The following PIK3R3 variants were observed in gnomAD, a reference collection of about 807,000 sequenced individuals.
PIK3R3 encodes the protein phosphatidylinositol 3-kinase regulatory subunit gamma.
PIK3R3 carries 64 observed loss-of-function variants against 62.9 expected under a neutral mutation model. That is an observed-to-expected ratio of 1.02 (90% CI 0.83 to 1.25). The LOEUF is 1.25. Among genes scored for constraint, PIK3R3 ranks in the 50% most tolerant of loss-of-function variants. The pLI, the probability that PIK3R3 is intolerant of heterozygous loss-of-function variation, is 0.00. For synonymous variants in PIK3R3, 165 were observed against 189.0 expected, an observed-to-expected ratio of 0.87 and a Z score of 1.04; for missense variants, 614 against 561.6, an observed-to-expected ratio of 1.09 and a Z score of -0.94.
the PIK3R3 span, among the ~76,000 whole-genome samples, chr1:46,155,257 G>A: frequency 4.0e-5 from 6 of 151,590 alleles, no homozygotes; most frequent in Admixed American, 3.9e-4. Flanking sequence ...GGCATTCAAG[G>A]CTACAGTGAG....
At position 46,043,837 on chromosome 1, in the gene PIK3R3, T is replaced by G. The variant is rs750665012; in HGVS notation, c.1222A>C (p.Ser408Arg). The change falls in exon 10 of 10, where the codon AGC becomes CGC. Residue 408 changes from serine (S) to arginine (R), a missense_variant. Transcript: ENST00000262741. ...GCAAAGCCATAGCCCCGAGCAGTGC[T>G]GTAGATCACACAGTGCTTCACTTCC... ...DGEVKHCVIY[S>R]TARGYGFAEP... 3 of 1,614,070 alleles carry G rather than the reference T, an allele frequency of 1.9e-6. No individual in the cohort carries two copies. Among genetic ancestry groups the G allele is most frequent in the Non-Finnish European group, 2.5e-6 (3 of 1,179,974 alleles).
chr1:46,174,874 T>G, the PIK3R3 span, among the ~76,000 whole-genome samples: 1 of 152,118 alleles, frequency 6.6e-6, no homozygotes, highest in African/African-American at 2.4e-5. Flanking sequence ...TAGTATGCCT[T>G]TCTCAGAATC....
At chr1:46,159,685 A>G in the PIK3R3 span, among the ~76,000 whole-genome samples, 1,018 of 152,048 alleles carry the variant, frequency 6.7e-3, 7 homozygotes, top group Non-Finnish European at 9.0e-3. Flanking sequence ...CACACATGCC[A>G]CATGTGTTAT....
intron 3 of PIK3R3, among the ~76,000 whole-genome samples, chr1:46,074,287 A>C (rs968257738): frequency 7.2e-5 from 2 of 27,670 alleles, no homozygotes; most frequent in African/African-American, 3.1e-4. Flanking sequence ...AGACTCCGTC[A>C]AAAAAAAAAA....
rs1451518468 is a variant in PIK3R3 at position 46,041,897 on chromosome 1, T to G, written c.*1776A>C. 1 of 215,480 alleles carries G rather than the reference T, an allele frequency of 4.6e-6. No homozygotes were observed. 13.3% of individuals were successfully genotyped at this position (215,480 alleles called of 1,614,324 possible). On this transcript the variant is annotated 3_prime_UTR_variant, in exon 10 of 10. Transcript: ENST00000262741. ...CTGGAGGTTTTTCCAAAATTAAAAA[T>G]CTGTGTCTACATCATGGTCCATATT...
chr1:46,066,302 T>A, intron 4 of PIK3R3, 123 bp from the exon 5 acceptor site: 2 of 671,724 alleles, frequency 3.0e-6, no homozygotes, highest in East Asian at 5.4e-5. Flanking sequence ...ATATTTCAAC[T>A]GTACAACTTT....
chr1:46,051,524 G>C (rs1647345977), intron 7 of PIK3R3, among the ~76,000 whole-genome samples: 1 of 152,042 alleles, frequency 6.6e-6, no homozygotes, highest in Non-Finnish European at 1.5e-5. Context: ...GCCTCCCAAA[G>C]TGCTGGGATT....
rs139312071 is a variant in PIK3R3 at position 46,119,106 on chromosome 1, T to C, written c.106+12741A>G. Among the ~76,000 whole-genome samples, 290 of 152,276 alleles carry C rather than the reference T, an allele frequency of 1.9e-3. 1 individual carries two copies. Among genetic ancestry groups the C allele is most frequent in the Non-Finnish European group, 3.3e-3 (226 of 68,008 alleles). On this transcript the variant is annotated intron_variant, in intron 1 of 9. Coordinates refer to ENST00000262741, the MANE Select transcript of PIK3R3 (RefSeq NM_003629.4). ...CCCTGTACTCTATTTTTATCCTCTG[T>C]TTCTTTCTCCACAGCATTTAACACC...
the PIK3R3 span, among the ~76,000 whole-genome samples, chr1:46,153,154 A>G: frequency 1.3e-5 from 2 of 152,220 alleles, no homozygotes; most frequent in Admixed American, 6.5e-5. Context: ...ATAAAATTCA[A>G]TAAGATTCAA....
Position 46,043,866 on chromosome 1 carries a change from T to A in PIK3R3, c.1193A>T (p.Asp398Val). The change falls in exon 10 of 10, where the codon GAT becomes GTT. Residue 398 changes from aspartate to valine, a missense_variant. Coordinates refer to ENST00000262741, the MANE Select transcript of PIK3R3 (RefSeq NM_003629.4). ...KGCYACSVVA[D>V]GEVKHCVIYS... ...GATCACACAGTGCTTCACTTCCCCATCGGCCCTGCAATGACAAACCACAGA... is the reference window on the plus strand; with the variant it reads ...GATCACACAGTGCTTCACTTCCCCAACGGCCCTGCAATGACAAACCACAGA... 6.2e-7 allele frequency: 1 copy of A among 1,612,962 alleles called. No individual in the cohort carries two copies. Among genetic ancestry groups the A allele is most frequent in the African/African-American group, 1.3e-5 (1 of 75,010 alleles).
chr1:46,078,381 T>C (rs1650260704), intron 2 of PIK3R3, among the ~76,000 whole-genome samples: 1 of 151,928 alleles, frequency 6.6e-6, no homozygotes, highest in Admixed American at 6.6e-5. Flanking sequence ...CTACTAAAAA[T>C]ACAAAATTAG....
At chr1:46,075,467 C>T (rs866886374) in intron 3 of PIK3R3, among the ~76,000 whole-genome samples, 1 of 152,008 alleles carries the variant, frequency 6.6e-6, no homozygotes, top group African/African-American at 2.4e-5. Context: ...ATAAAAAACA[C>T]AAAAACTAGC....
At chr1:46,093,320 A>C (rs1410265821) in intron 1 of PIK3R3, among the ~76,000 whole-genome samples, 1 of 152,152 alleles carries the variant, frequency 6.6e-6, no homozygotes, top group Admixed American at 6.6e-5. Context: ...TTTGCAGTTA[A>C]CTCATTTAAG....
chr1:46,114,899 G>A (rs922861486), intron 1 of PIK3R3, among the ~76,000 whole-genome samples: 3 of 151,354 alleles, frequency 2.0e-5, no homozygotes, highest in Non-Finnish European at 4.4e-5. Context: ...ACAGGCATGA[G>A]CCACAGTGCC....
At chr1:46,156,810 G>A in the PIK3R3 span, among the ~76,000 whole-genome samples, 4 of 152,094 alleles carry the variant, frequency 2.6e-5, no homozygotes, top group Non-Finnish European at 5.9e-5. Flanking sequence ...AAGCATGATC[G>A]GCCATGAGTT....
rs1220085257 is a variant in PIK3R3 at position 46,041,577 on chromosome 1, G to C, written c.*2096C>G. ...ACACTCAGAACACACTGAAATTTTA[G>C]TACCAGATGGGAGGGATTCCTTGCA... On this transcript the variant is annotated 3_prime_UTR_variant, in exon 10 of 10. Transcript: ENST00000262741. 1 of 179,396 alleles carries C rather than the reference G, an allele frequency of 5.6e-6. No homozygotes were observed. Among genetic ancestry groups the C allele is most frequent in the Non-Finnish European group, 1.2e-5 (1 of 83,404 alleles). 11.1% of individuals were successfully genotyped at this position (179,396 alleles called of 1,614,324 possible).
intron 3 of PIK3R3, among the ~76,000 whole-genome samples, chr1:46,070,404 G>A (rs780051783): frequency 1.8e-4 from 28 of 152,176 alleles, no homozygotes; most frequent in Admixed American, 1.6e-3. Context: ...AGGAGTTCTC[G>A]TCTGACTGTG....
At chr1:46,163,652 C>T in the PIK3R3 span, among the ~76,000 whole-genome samples, 50 of 152,292 alleles carry the variant, frequency 3.3e-4, no homozygotes, top group Non-Finnish European at 6.0e-4. Flanking sequence ...CTACTACTCC[C>T]CAGATGGCAT....
At chr1:46,052,065 G>A (rs1241046396) in intron 7 of PIK3R3, among the ~76,000 whole-genome samples, 1 of 152,234 alleles carries the variant, frequency 6.6e-6, no homozygotes, top group South Asian at 2.1e-4. Context: ...GTGAACCCGG[G>A]AGGCGGAGCT....
Sources: gnomAD v4.1 joint callset for allele counts (sites outside exome capture counted in the v4.1 genomes callset) on GRCh38, gnomAD v4.1.1 for gene constraint, MANE v1.5 for transcripts, NCBI Gene and HGNC (gene_info 2026-07-23, HGNC 2026-07-21) for gene names.